The following CAV1 variants were observed in gnomAD, a reference collection of about 807,000 sequenced individuals.
CAV1 encodes the protein caveolin 1.
CAV1 carries 10 observed loss-of-function variants against 16.5 expected under a neutral mutation model. The observed-to-expected ratio is 0.61, with a 90% confidence interval of 0.37 to 1.03. CAV1 has a LOEUF of 1.03. Among genes scored for constraint, CAV1 ranks in the 50% least tolerant of loss-of-function variants. The pLI is 0.01. For synonymous variants in CAV1, 76 were observed against 85.1 expected, an observed-to-expected ratio of 0.89 and a Z score of 0.59; for missense variants, 212 against 232.8, an observed-to-expected ratio of 0.91 and a Z score of 0.58.
Position 116,546,488 on chromosome 7 carries a change from G to A in CAV1, c.196-12458G>A, listed in dbSNP as rs572164446. On this transcript the variant is annotated intron_variant, in intron 2 of 2. Transcript: ENST00000341049. ...GTGGATCACCTGAGGTCAGGAGTTC[G>A]AGACCAGCCTCGCCAACATGGTGAA... 2.6e-5 allele frequency among the ~76,000 whole-genome samples: 4 copies of A among 151,496 alleles called. 1 individual carries two copies. In the South Asian group the frequency reaches 6.3e-4, roughly 24 times the overall value.
intron 2 of CAV1, among the ~76,000 whole-genome samples, chr7:116,532,391 A>G (rs1793704277): frequency 6.6e-6 from 1 of 152,192 alleles, no homozygotes; most frequent in Non-Finnish European, 1.5e-5. Flanking sequence ...ATGACCAGAA[A>G]CAGCTGGTCT....
chr7:116,527,078 C>T (rs948835757), intron 2 of CAV1: 2 of 326,816 alleles, frequency 6.1e-6, no homozygotes, highest in African/African-American at 2.1e-5. Flanking sequence ...CCCCACTGCA[C>T]GTGGCATTAA....
At chr7:116,525,381 G>GT (rs1793535687) in intron 1 of CAV1, 13 of 1,522,984 alleles carry the variant, frequency 8.5e-6, no homozygotes, top group Non-Finnish European at 1.1e-5. Flanking sequence ...CCCAGGACGC[G>GT]TTTTCTGGAT....
intron 2 of CAV1, among the ~76,000 whole-genome samples, chr7:116,547,050 T>C (rs1183057417): frequency 1.3e-5 from 2 of 152,220 alleles, no homozygotes; most frequent in Non-Finnish European, 2.9e-5. Context: ...CCATCATTAA[T>C]GGCCTTCTGC....
At chr7:116,551,051 C>T (rs1468173169) in intron 2 of CAV1, among the ~76,000 whole-genome samples, 1 of 152,164 alleles carries the variant, frequency 6.6e-6, no homozygotes, top group African/African-American at 2.4e-5. Context: ...CAAAAAGGAG[C>T]TGTAATTAAA....
In CAV1 at chr7:116,559,979, G is replaced by A. The variant is rs1164094963; in HGVS notation, c.*692G>A. The A allele has an allele frequency of 2.3e-5, 9 of 396,988 alleles. No homozygotes were observed. In the East Asian group the frequency reaches 2.9e-4, roughly 13 times the overall value. 24.6% of individuals were successfully genotyped at this position (396,988 alleles called of 1,614,324 possible). ...TTTTCACATTTTCCTTTTCAAATAG[G>A]GTCTAACTCAGCAACTCGCTTTAGG... On this transcript the variant is annotated 3_prime_UTR_variant, in exon 3 of 3. Transcript: ENST00000341049.
rs145282662 is a variant in CAV1, at chr7:116,538,755, A to T, written c.195+12066A>T. Among the ~76,000 whole-genome samples the T allele has an allele frequency of 1.2e-3, 189 of 152,284 alleles. 1 individual carries two copies. Among genetic ancestry groups the T allele is most frequent in the Non-Finnish European group, 1.9e-3 (128 of 68,042 alleles). Reference sequence around the variant, plus strand: ...ATATCCGGGATTGGGTGATGTATTTAAAAAAAGAGGTTTAATGGACTCACA... The same window carrying T: ...ATATCCGGGATTGGGTGATGTATTTTAAAAAAGAGGTTTAATGGACTCACA... On this transcript the variant is annotated intron_variant, in intron 2 of 2. Transcript: ENST00000341049.
At chr7:116,549,788 T>C (rs1251391224) in intron 2 of CAV1, among the ~76,000 whole-genome samples, 1 of 152,156 alleles carries the variant, frequency 6.6e-6, no homozygotes, top group Admixed American at 6.5e-5. Context: ...AATATTTACA[T>C]GCTAATTAAC....
rs780499290 is a variant in CAV1, at chr7:116,555,602, A to AAGAGAGAGAGAGAGAGAG, written c.196-3339_196-3338insGAGAGAGAGAGAGAGAGA. 1.0e-3 allele frequency among the ~76,000 whole-genome samples: 87 copies of AAGAGAGAGAGAGAGAGAG among 83,760 alleles called. 3 individuals are homozygous for AAGAGAGAGAGAGAGAGAG. The highest frequency in any genetic ancestry group is 2.0e-3 in the East Asian group (6 of 2,974). The allele number at this position is 83,760 out of a possible 152,430, so 54.9% of individuals were successfully genotyped here. ...AAAGAAAGAAAGAAAGAAAGAAAGA[A>AAGAGAGAGAGAGAGAGAG]AGAGAAAGAAAGAAAGAAGGGAGGG... is the stretch of plus-strand genomic sequence containing the variant. On this transcript the variant is annotated intron_variant, in intron 2 of 2. Transcript: ENST00000341049.
intron 2 of CAV1, among the ~76,000 whole-genome samples, chr7:116,533,099 T>G (rs908433407): frequency 5.3e-5 from 8 of 152,104 alleles, no homozygotes; most frequent in Admixed American, 3.9e-4. Flanking sequence ...CCCAGCACTT[T>G]GGGAGCTCAA....
intron 2 of CAV1, among the ~76,000 whole-genome samples, chr7:116,532,850 A>G (rs565339866): frequency 1.3e-5 from 2 of 152,308 alleles, no homozygotes; most frequent in Admixed American, 1.3e-4. Context: ...TGAAGTAATC[A>G]GATCAGGTGT....
At chr7:116,537,975 G>A (rs550681506) in intron 2 of CAV1, among the ~76,000 whole-genome samples, 7 of 152,316 alleles carry the variant, frequency 4.6e-5, no homozygotes, top group East Asian at 1.9e-4. Context: ...AATCGCTTAA[G>A]TCTTTAAAGT....
rs907762826 is a variant in CAV1 at position 116,560,890 on chromosome 7, A to C, written c.*1603A>C. On this transcript the variant is annotated 3_prime_UTR_variant, in exon 3 of 3. Transcript: ENST00000341049. ...GGCATGGATATAGTTTTACTTTTAAACTGTGTACATAACTGAAAATGTGCT... is the reference window on the plus strand; with the variant it reads ...GGCATGGATATAGTTTTACTTTTAACCTGTGTACATAACTGAAAATGTGCT... The C allele has an allele frequency of 7.2e-5, 11 of 152,570 alleles. No individual in the cohort carries two copies. The highest frequency in any genetic ancestry group is 2.7e-4 in the African/African-American group (11 of 41,438). 9.5% of individuals were successfully genotyped at this position (152,570 alleles called of 1,614,324 possible).
intron 2 of CAV1, among the ~76,000 whole-genome samples, chr7:116,553,833 T>C (rs139079301): frequency 2.0e-5 from 3 of 152,156 alleles, no homozygotes; most frequent in Non-Finnish European, 2.9e-5. Context: ...CCATTAGAGA[T>C]TGTGAGAAAG....
intron 2 of CAV1, among the ~76,000 whole-genome samples, chr7:116,530,061 A>T (rs943745565): frequency 2.8e-4 from 42 of 152,362 alleles, no homozygotes; most frequent in African/African-American, 9.6e-4. Context: ...ATGCTTTGCT[A>T]TGTAATTCCT....
intron 2 of CAV1, among the ~76,000 whole-genome samples, chr7:116,548,458 C>A (rs559319028): frequency 1.3e-5 from 2 of 152,276 alleles, no homozygotes; most frequent in East Asian, 3.9e-4. Flanking sequence ...CAGAAGGAAG[C>A]CAGCCAGCTA....
intron 2 of CAV1, among the ~76,000 whole-genome samples, chr7:116,546,844 G>A (rs1426863808): frequency 1.3e-5 from 2 of 152,132 alleles, no homozygotes; most frequent in African/African-American, 4.8e-5. Context: ...CAAGCTGGAT[G>A]GCCTAAAGCT....
intron 2 of CAV1, among the ~76,000 whole-genome samples, chr7:116,546,554 A>C (rs1794051173): frequency 6.6e-6 from 1 of 151,684 alleles, no homozygotes; most frequent in Non-Finnish European, 1.5e-5. Context: ...AAAATTAGTC[A>C]GGTGTGGTGG....
intron 2 of CAV1, among the ~76,000 whole-genome samples, chr7:116,540,378 T>C (rs965866576): frequency 6.6e-6 from 1 of 152,220 alleles, no homozygotes; most frequent in Non-Finnish European, 1.5e-5. Context: ...TAATAAGAGA[T>C]GATTTTACTG....
Sources: allele counts gnomAD v4.1 joint callset (sites outside exome capture counted in the v4.1 genomes callset), GRCh38; gene constraint gnomAD v4.1.1; transcripts MANE v1.5; gene names NCBI Gene and HGNC (gene_info 2026-07-23, HGNC 2026-07-21).